PTPRN2: variants seen among roughly 807,000 people sequenced by gnomAD.
PTPRN2 encodes receptor-type tyrosine-protein phosphatase N2.
A neutral mutation model predicts 118.8 loss-of-function variants in PTPRN2; 74 were observed. The ratio of observed to expected loss-of-function variants is 0.62; its 90% CI spans 0.52 to 0.76. PTPRN2 has a LOEUF of 0.76. Ranked by LOEUF, PTPRN2 falls within the 30% of genes least tolerant of loss-of-function variation. The probability of loss-of-function intolerance (pLI) is 0.00; values close to 1 mark genes in which losing one functional copy is unlikely to be tolerated. For synonymous variants in PTPRN2, 641 were observed against 608.0 expected, an observed-to-expected ratio of 1.05 and a Z score of -0.80; for missense variants, 1,481 against 1,394.4, an observed-to-expected ratio of 1.06 and a Z score of -0.99.
intron 11 of PTPRN2, among the ~76,000 whole-genome samples, chr7:157,954,690 C>T (rs933343198): frequency 3.3e-5 from 5 of 152,206 alleles, no homozygotes; most frequent in South Asian, 2.1e-4. Context: ...GACCCCAGAG[C>T]GAGGCCCCGC....
At chr7:157,730,897 C>T (rs959329546) in intron 12 of PTPRN2, among the ~76,000 whole-genome samples, 1 of 152,180 alleles carries the variant, frequency 6.6e-6, no homozygotes, top group African/African-American at 2.4e-5. Flanking sequence ...TTCTCTCTCT[C>T]ATTCCTCATG....
At chr7:158,511,166 C>T (rs569180851) in intron 1 of PTPRN2, among the ~76,000 whole-genome samples, 1 of 152,312 alleles carries the variant, frequency 6.6e-6, no homozygotes, top group East Asian at 1.9e-4. Flanking sequence ...AAACCTCCTC[C>T]GTGTCTACCC....
chr7:158,460,422 A>G (rs374571551), intron 2 of PTPRN2, among the ~76,000 whole-genome samples: 47 of 118,638 alleles, frequency 4.0e-4, no homozygotes, highest in African/African-American at 8.1e-4. Context: ...TCATCCAGCT[A>G]CAGGATGGGA....
intron 3 of PTPRN2, among the ~76,000 whole-genome samples, chr7:158,235,129 G>C (rs778315582): frequency 7.0e-6 from 1 of 143,316 alleles, no homozygotes; most frequent in African/African-American, 2.7e-5. Flanking sequence ...AGGAGCCCTC[G>C]GACACTGTGG....
At chr7:158,146,376 C>T (rs892652158) in intron 6 of PTPRN2, among the ~76,000 whole-genome samples, 3 of 152,128 alleles carry the variant, frequency 2.0e-5, no homozygotes, top group African/African-American at 4.8e-5. Flanking sequence ...TTGATTGCAC[C>T]AACCTGTATT....
intron 11 of PTPRN2, among the ~76,000 whole-genome samples, chr7:158,031,650 A>G (rs1807691264): frequency 6.6e-6 from 1 of 152,234 alleles, no homozygotes; most frequent in African/African-American, 2.4e-5. Flanking sequence ...AGCAGAGGAT[A>G]TTCTCCAGGA....
At chr7:158,288,217 G>C (rs1563091756) in intron 3 of PTPRN2, among the ~76,000 whole-genome samples, 1 of 152,076 alleles carries the variant, frequency 6.6e-6, no homozygotes, top group Non-Finnish European at 1.5e-5. Flanking sequence ...GTAGCATATA[G>C]TTGGGTCCTA....
chr7:158,145,544 G>A (rs572780817), intron 6 of PTPRN2, among the ~76,000 whole-genome samples: 1 of 152,232 alleles, frequency 6.6e-6, no homozygotes, highest in Non-Finnish European at 1.5e-5. Flanking sequence ...CAGGAAGGGA[G>A]GAAGAAATGG....
At chr7:158,502,463 C>G (rs1047840916) in intron 1 of PTPRN2, among the ~76,000 whole-genome samples, 1 of 152,220 alleles carries the variant, frequency 6.6e-6, no homozygotes, top group African/African-American at 2.4e-5. Context: ...AACCACACAG[C>G]ACCATCACAT....
At chr7:158,011,970 G>GA (rs376340524) in intron 11 of PTPRN2, among the ~76,000 whole-genome samples, 302 of 152,264 alleles carry the variant, frequency 2.0e-3, no homozygotes, top group African/African-American at 7.0e-3. Flanking sequence ...ACAACAATAA[G>GA]AGATCAAATA....
intron 6 of PTPRN2, among the ~76,000 whole-genome samples, chr7:158,156,876 A>G (rs532983136): frequency 9.2e-5 from 14 of 152,394 alleles, no homozygotes; most frequent in African/African-American, 2.6e-4. Context: ...GAGGATGCTT[A>G]TACAGCGGAG....
chr7:158,352,164 CCTGACCGCTCCCCTCCTGTCCGCTCCCCT>C (rs1808027536), intron 2 of PTPRN2, among the ~76,000 whole-genome samples: 1 of 5,338 alleles, frequency 1.9e-4, no homozygotes. Flanking sequence ...CTGCTCCCCT[CCTGACCGCTCCCCTCCTGTCCGCTCCCCT>C]CCTGACTGCT....
At chr7:158,455,986 C>G (rs1818451069) in intron 2 of PTPRN2, among the ~76,000 whole-genome samples, 2 of 151,006 alleles carry the variant, frequency 1.3e-5, no homozygotes, top group African/African-American at 4.9e-5. Context: ...TCGGCCACGG[C>G]CACCCATTGC....
chr7:157,572,198 G>GT (rs966811246), intron 19 of PTPRN2, among the ~76,000 whole-genome samples: 14 of 151,306 alleles, frequency 9.3e-5, no homozygotes, highest in African/African-American at 2.2e-4. Context: ...AAATCCAGGT[G>GT]TTTTTTTTTA....
chr7:158,206,585 C>A (rs1170405244), intron 3 of PTPRN2, among the ~76,000 whole-genome samples: 1 of 151,914 alleles, frequency 6.6e-6, no homozygotes, highest in Non-Finnish European at 1.5e-5. Flanking sequence ...GAGAGAGAGA[C>A]CGTCCGTTCG....
chr7:158,080,233 G>A (rs1010874499), intron 11 of PTPRN2, among the ~76,000 whole-genome samples: 1 of 138,282 alleles, frequency 7.2e-6, no homozygotes, highest in Non-Finnish European at 1.5e-5. Flanking sequence ...CTCAATCAAC[G>A]AGAACTAAGT....
Position 158,071,400 on chromosome 7 carries a change from G to T in PTPRN2, c.1723+9898C>A, listed in dbSNP as rs1420619976. Among the ~76,000 whole-genome samples, 12 of 48,036 alleles carry T rather than the reference G, an allele frequency of 2.5e-4. 1 individual carries two copies. Among genetic ancestry groups the T allele is most frequent in the Non-Finnish European group, 2.9e-4 (7 of 24,480 alleles). The allele number at this position is 48,036 out of a possible 152,430, so 31.5% of individuals were successfully genotyped here. A position where few individuals can be genotyped will look rare whatever the true frequency, so the allele number is the denominator to read the frequency against. ...GGAGGTGCTCGTGGTGGAGGTGCTCGTGGTGGAGTTGCTCCTGGTGGTGGA... is the reference window on the plus strand; with the variant it reads ...GGAGGTGCTCGTGGTGGAGGTGCTCTTGGTGGAGTTGCTCCTGGTGGTGGA... On this transcript the variant is annotated intron_variant, in intron 11 of 22. Coordinates refer to ENST00000389418, the MANE Select transcript of PTPRN2 (RefSeq NM_002847.5).
chr7:158,345,520 G>A (rs1003740020), intron 2 of PTPRN2, among the ~76,000 whole-genome samples: 1 of 152,096 alleles, frequency 6.6e-6, no homozygotes, highest in African/African-American at 2.4e-5. Flanking sequence ...GAAGGAGACA[G>A]GGTCTTCCAC....
rs71198580 is a variant in PTPRN2 at position 158,171,308 on chromosome 7, CATATAT to C, written c.550-4023_550-4018del. Reference sequence around the variant, plus strand: ...ATATATACACACATATATATACACACATATATATATATATATATATATATATATATA... The same window carrying C: ...ATATATACACACATATATATACACACATATATATATATATATATATATATA... On this transcript the variant is annotated intron_variant, in intron 5 of 22. Transcript: ENST00000389418. Among the ~76,000 whole-genome samples the C allele has an allele frequency of 3.7e-3, 178 of 48,652 alleles. 22 individuals are homozygous for C. Among genetic ancestry groups the C allele is most frequent in the East Asian group, 0.013 (19 of 1,420 alleles). 31.9% of individuals were successfully genotyped at this position (48,652 alleles called of 152,430 possible).
Sources: allele counts gnomAD v4.1 joint callset (sites outside exome capture counted in the v4.1 genomes callset), GRCh38; gene constraint gnomAD v4.1.1; transcripts MANE v1.5; gene names NCBI Gene and HGNC (gene_info 2026-07-23, HGNC 2026-07-21).